The following VAPB variants were observed in gnomAD, a reference collection of about 807,000 sequenced individuals.
VAPB encodes the protein VAMP associated protein B and C.
VAPB carries 7 observed loss-of-function variants against 25.6 expected under a neutral mutation model. The ratio of observed to expected loss-of-function variants is 0.27; its 90% confidence interval spans 0.16 to 0.51. VAPB has a LOEUF of 0.51. VAPB is among the 20% of genes least tolerant of loss of function. VAPB has a pLI of 0.97. For synonymous variants in VAPB, 112 were observed against 109.2 expected (o/e 1.03, Z -0.16); for missense variants, 266 against 301.3 (o/e 0.88, Z 0.87).
At chr20:58,415,961 G>A (rs892423165) in intron 1 of VAPB, among the ~76,000 whole-genome samples, 1 of 152,158 alleles carries the variant, frequency 6.6e-6, no homozygotes, top group Non-Finnish European at 1.5e-5. Flanking sequence ...GGAGAGGAAG[G>A]TTGGCCTGTT....
intron 1 of VAPB, among the ~76,000 whole-genome samples, chr20:58,396,765 C>T (rs1463646102): frequency 6.6e-6 from 1 of 152,214 alleles, no homozygotes; most frequent in Non-Finnish European, 1.5e-5. Context: ...AGGATAAATG[C>T]TTTAATTCCA....
At chr20:58,398,663 A>G (rs1022686500) in intron 1 of VAPB, among the ~76,000 whole-genome samples, 3 of 152,210 alleles carry the variant, frequency 2.0e-5, no homozygotes, top group Non-Finnish European at 4.4e-5. Flanking sequence ...GGAAGATGGC[A>G]TTTGAGATAT....
intron 1 of VAPB, among the ~76,000 whole-genome samples, chr20:58,398,698 C>T (rs539924721): frequency 8.7e-4 from 132 of 152,290 alleles, no homozygotes; most frequent in Middle Eastern, 6.8e-3. Context: ...TTACACTGTG[C>T]GCTTGCCATT....
chr20:58,444,333 A>T lies in VAPB; in HGVS notation c.*98A>T. On this transcript the variant is annotated 3_prime_UTR_variant, in exon 6 of 6. Transcript: ENST00000475243. ...ATGTGTAAAAAGAAATTAATGTATG[A>T]TGACATCTCACAGGTCTTGCCTTTA... The T allele has an allele frequency of 6.4e-7, 1 of 1,573,766 alleles. No individual in the cohort carries two copies. The highest frequency in any genetic ancestry group is 8.7e-7 in the Non-Finnish European group (1 of 1,145,266).
Position 58,444,643 on chromosome 20 carries a change from T to C in VAPB, c.*408T>C, listed in dbSNP as rs924879896. The C allele has an allele frequency of 4.4e-6, 2 of 454,446 alleles. No homozygotes were observed. The highest frequency in any genetic ancestry group is 2.0e-5 in the African/African-American group (1 of 49,904). 28.2% of individuals were successfully genotyped at this position (454,446 alleles called of 1,614,324 possible). A position where few individuals can be genotyped will look rare whatever the true frequency, so the allele number is the denominator to read the frequency against. On this transcript the variant is annotated 3_prime_UTR_variant, in exon 6 of 6. Coordinates refer to ENST00000475243, the MANE Select transcript of VAPB (RefSeq NM_004738.5). The stretch of plus-strand genomic sequence containing the variant: ...AGCTGGAGCCCAGCATGCTGGGGAG[T>C]GCGGTCAGCTCCACACAGTAGTCCC...
intron 1 of VAPB, among the ~76,000 whole-genome samples, chr20:58,402,562 CT>C (rs1491184515): frequency 6.5e-4 from 87 of 134,602 alleles, no homozygotes; most frequent in African/African-American, 1.1e-3. Flanking sequence ...CCCCCCCACC[CT>C]TTTTTTTTTT....
At chr20:58,434,835 A>T (rs993582669) in intron 3 of VAPB, 130 bp downstream of exon 3, 1 of 651,770 alleles carries the variant, frequency 1.5e-6, no homozygotes. Context: ...TTTTTCAAGG[A>T]GGTTTGTACT....
intron 5 of VAPB, among the ~76,000 whole-genome samples, chr20:58,442,755 T>A (rs571368922): frequency 6.6e-6 from 1 of 152,324 alleles, no homozygotes; most frequent in East Asian, 1.9e-4. Flanking sequence ...CAGAAGTGAT[T>A]ACAAGCCAGT....
chr20:58,405,027 T>C (rs62205697), intron 1 of VAPB, among the ~76,000 whole-genome samples: 26,085 of 151,460 alleles, frequency 0.17, 2,418 homozygotes, highest in East Asian at 0.31. Flanking sequence ...AAAATATATA[T>C]GATGTGGTGT....
chr20:58,396,322 C>T (rs1042976283), intron 1 of VAPB, among the ~76,000 whole-genome samples: 1 of 152,152 alleles, frequency 6.6e-6, no homozygotes, highest in East Asian at 1.9e-4. Flanking sequence ...TTGGCCGATA[C>T]CTATAATGTG....
intron 2 of VAPB, among the ~76,000 whole-genome samples, chr20:58,423,298 C>G (rs1318756911): frequency 6.6e-6 from 1 of 151,332 alleles, no homozygotes; most frequent in African/African-American, 2.4e-5. Context: ...GTAATCCCAG[C>G]TACTCATGAA....
chr20:58,395,843 GA>G (rs1056456563), intron 1 of VAPB, among the ~76,000 whole-genome samples: 4 of 152,298 alleles, frequency 2.6e-5, no homozygotes, highest in African/African-American at 9.6e-5. Flanking sequence ...ACACAAGGAA[GA>G]GTTGTTTAAA....
chr20:58,448,040 G>C lies in VAPB; in HGVS notation c.*3805G>C, dbSNP rs561048421. 2.8e-4 allele frequency: 127 copies of C among 453,964 alleles called. No homozygotes were observed. The East Asian group carries it at 8.2e-3, about 29-fold the overall frequency. 28.1% of individuals were successfully genotyped at this position (453,964 alleles called of 1,614,324 possible). On this transcript the variant is annotated 3_prime_UTR_variant, in exon 6 of 6. Transcript: ENST00000475243. ...CCCGGCTGTCTGGCCTGAAGAAGGA[G>C]AAAGAACCAAACTGAACTATGAAAA...
chr20:58,449,102 G>GCGTCAGC lies in VAPB; in HGVS notation c.*4870_*4876dup. 2.2e-6 allele frequency: 1 copy of GCGTCAGC among 454,138 alleles called. No individual in the cohort carries two copies. The highest frequency in any genetic ancestry group is 4.4e-6 in the Non-Finnish European group (1 of 226,786). The allele number at this position is 454,138 out of a possible 1,614,324, so 28.1% of individuals were successfully genotyped here. On this transcript the variant is annotated 3_prime_UTR_variant, in exon 6 of 6. Coordinates refer to ENST00000475243, the MANE Select transcript of VAPB (RefSeq NM_004738.5). Reference sequence around the variant, plus strand: ...AAGTAATAGAAGCCCCTGATAAGGAGCGTCAGCCGACAGGCAAGCTTGGGA... The same window carrying GCGTCAGC: ...AAGTAATAGAAGCCCCTGATAAGGAGCGTCAGCCGTCAGCCGACAGGCAAGCTTGGGA...
At chr20:58,396,555 T>C (rs569725234) in intron 1 of VAPB, among the ~76,000 whole-genome samples, 1 of 152,330 alleles carries the variant, frequency 6.6e-6, no homozygotes, top group Admixed American at 6.5e-5. Context: ...CCTTGAGTTG[T>C]CTTGAAAGGC....
In VAPB at chr20:58,444,133, A is replaced by G. The variant is rs377763768; in HGVS notation, c.630A>G (p.Ala210=). 3 of 1,614,100 alleles carry G rather than the reference A, an allele frequency of 1.9e-6. No individual in the cohort carries two copies. The highest frequency in any genetic ancestry group is 1.7e-5 in the Admixed American group (1 of 60,002). The part of the protein sequence containing the change: ...KTVQSNSPIS[A]LAPTGKEEGL... ...TGCAGAGCAACAGCCCCATTTCAGC[A>G]TTAGCCCCAACTGGGAAGGAAGAAG... The change falls in exon 6 of 6, where the codon GCA becomes GCG. Residue 210 remains alanine, a synonymous_variant. Coordinates refer to ENST00000475243, the MANE Select transcript of VAPB (RefSeq NM_004738.5).
intron 1 of VAPB, among the ~76,000 whole-genome samples, chr20:58,417,320 T>C (rs1000203775): frequency 4.6e-5 from 7 of 152,260 alleles, no homozygotes; most frequent in African/African-American, 1.4e-4. Context: ...CACATGTGTG[T>C]ATGTATTGTT....
At position 58,389,310 on chromosome 20, in the gene VAPB, C is replaced by T. The variant is rs572151788; in HGVS notation, c.-150C>T. The T allele has an allele frequency of 9.5e-5, 69 of 724,414 alleles. 1 individual carries two copies. The highest frequency in any genetic ancestry group is 1.3e-4 in the Non-Finnish European group (54 of 427,588). 44.9% of individuals were successfully genotyped at this position (724,414 alleles called of 1,614,324 possible). On this transcript the variant is annotated 5_prime_UTR_variant, in exon 1 of 6. Coordinates refer to ENST00000475243, the MANE Select transcript of VAPB (RefSeq NM_004738.5). The stretch of plus-strand genomic sequence containing the variant: ...CTGCACCGCGTAGACCGACCCCCCC[C>T]CAGCGCGCCCACCCGGTAGAGGACC...
intron 1 of VAPB, among the ~76,000 whole-genome samples, chr20:58,392,931 G>A (rs1389663966): frequency 6.6e-6 from 1 of 152,204 alleles, no homozygotes; most frequent in South Asian, 2.1e-4. Context: ...CCTGAAAGAA[G>A]CATGACACAG....
Sources: gnomAD v4.1 joint callset for allele counts (sites outside exome capture counted in the v4.1 genomes callset) on GRCh38, gnomAD v4.1.1 for gene constraint, MANE v1.5 for transcripts, NCBI Gene and HGNC (gene_info 2026-07-23, HGNC 2026-07-21) for gene names.